The following SNX6 variants were observed in gnomAD, a reference collection of about 807,000 sequenced individuals.
SNX6 encodes the protein sorting nexin 6, also known as sorting nexin-6.
A neutral mutation model predicts 63.0 loss-of-function variants in SNX6; 34 were observed. The ratio of observed to expected loss-of-function variants is 0.54; its 90% confidence interval spans 0.41 to 0.72. SNX6 has a LOEUF of 0.72. Ranked by LOEUF, SNX6 falls within the 30% of genes least tolerant of loss-of-function variation. The pLI, the probability that SNX6 is intolerant of heterozygous loss-of-function variation, is 0.00. For missense variants in SNX6, 398 were observed against 471.4 expected, an observed-to-expected ratio of 0.84 and a Z score of 1.44; for synonymous variants, 170 against 164.2, an observed-to-expected ratio of 1.04 and a Z score of -0.27.
intron 6 of SNX6, among the ~76,000 whole-genome samples, chr14:34,599,525 T>C (rs2138334555): frequency 6.6e-6 from 1 of 151,914 alleles, no homozygotes; most frequent in African/African-American, 2.4e-5. Flanking sequence ...GAGAATCTTT[T>C]GAACCCAGGA....
At chr14:34,572,949 TGGGATTACA>T (rs1881514913) in intron 11 of SNX6, among the ~76,000 whole-genome samples, 1 of 152,086 alleles carries the variant, frequency 6.6e-6, no homozygotes, top group Non-Finnish European at 1.5e-5. Context: ...CCCAAAGTGC[TGGGATTACA>T]GGTGTGAGCC....
chr14:34,596,967 C>T (rs936710983), intron 7 of SNX6, among the ~76,000 whole-genome samples: 3 of 152,218 alleles, frequency 2.0e-5, no homozygotes, highest in African/African-American at 4.8e-5. Context: ...CCACCTTGCC[C>T]GGCCTCAACT....
At chr14:34,597,297 T>C (rs1204231917) in intron 7 of SNX6, among the ~76,000 whole-genome samples, 1 of 152,200 alleles carries the variant, frequency 6.6e-6, no homozygotes, top group African/African-American at 2.4e-5. Context: ...ACCTGGAACC[T>C]GGTCTGATGT....
At chr14:34,606,107 G>A (rs1366075827) in intron 4 of SNX6, among the ~76,000 whole-genome samples, 1 of 151,698 alleles carries the variant, frequency 6.6e-6, no homozygotes, top group Non-Finnish European at 1.5e-5. Flanking sequence ...CTGGGAGTCG[G>A]AGGTTGCAGT....
chr14:34,608,291 C>T, intron 3 of SNX6, 151 bp from the exon 4 acceptor site: 2 of 498,038 alleles, frequency 4.0e-6, no homozygotes, highest in South Asian at 4.9e-5. Flanking sequence ...AATCCTCCCA[C>T]CTCAGCCTCC....
chr14:34,602,799 A>G (rs1177587629), intron 6 of SNX6, among the ~76,000 whole-genome samples: 1 of 150,020 alleles, frequency 6.7e-6, no homozygotes. Flanking sequence ...ACACAGTGAA[A>G]CCCCGTCTCT....
At chr14:34,627,027 T>C in intron 2 of SNX6, among the ~76,000 whole-genome samples, 1 of 152,188 alleles carries the variant, frequency 6.6e-6, no homozygotes, top group Non-Finnish European at 1.5e-5. Context: ...TTTAAAAATT[T>C]TTTTAGAGAC....
intron 6 of SNX6, among the ~76,000 whole-genome samples, chr14:34,602,626 A>G (rs1186268390): frequency 6.6e-6 from 1 of 151,544 alleles, no homozygotes; most frequent in Non-Finnish European, 1.5e-5. Flanking sequence ...CAAACATTCT[A>G]AAAAAAGACC....
At chr14:34,622,362 C>G (rs1056264285) in intron 2 of SNX6, among the ~76,000 whole-genome samples, 1 of 151,186 alleles carries the variant, frequency 6.6e-6, no homozygotes, top group Non-Finnish European at 1.5e-5. Context: ...GGGTGGATCA[C>G]GAGGTCAGGA....
intron 11 of SNX6, chr14:34,569,148 C>T (rs986420544): frequency 1.0e-5 from 8 of 790,184 alleles, no homozygotes; most frequent in African/African-American, 3.4e-5. Context: ...CCGGCCTGTG[C>T]ACTGCCAGCC....
intron 2 of SNX6, among the ~76,000 whole-genome samples, chr14:34,618,088 G>GAAGA (rs930542295): frequency 1.3e-5 from 2 of 152,120 alleles, no homozygotes; most frequent in Non-Finnish European, 2.9e-5. Flanking sequence ...AAAGAGGAAG[G>GAAGA]AAGAAAGAAA....
chr14:34,613,531 G>A (rs759095096), intron 2 of SNX6, among the ~76,000 whole-genome samples: 5 of 152,240 alleles, frequency 3.3e-5, no homozygotes, highest in East Asian at 3.9e-4. Context: ...GGTGGTTTAC[G>A]CCTGTAATCC....
intron 13 of SNX6, among the ~76,000 whole-genome samples, chr14:34,565,077 CTTTT>C (rs34722757): frequency 7.6e-6 from 1 of 131,266 alleles, no homozygotes; most frequent in African/African-American, 2.8e-5. Context: ...CATGTCATGA[CTTTT>C]TTTTTTTTTT....
intron 2 of SNX6, chr14:34,629,515 C>G (rs1183442879): frequency 2.0e-5 from 10 of 499,542 alleles, no homozygotes; most frequent in Non-Finnish European, 2.7e-5. Context: ...ATGTCCACAC[C>G]GGGTGAAAAT....
intron 8 of SNX6, 137 bp downstream of exon 8, chr14:34,592,908 A>G (rs1882453953): frequency 1.6e-6 from 1 of 635,338 alleles, no homozygotes; most frequent in Non-Finnish European, 2.7e-6. Flanking sequence ...GGCTCACTAT[A>G]AAAGGGCCAT....
At chr14:34,607,941 C>T in intron 4 of SNX6, 89 bp downstream of exon 4, 1 of 639,834 alleles carries the variant, frequency 1.6e-6, no homozygotes, top group Non-Finnish European at 2.6e-6. Context: ...AAAAACAGTT[C>T]ACAAAAAATG....
chr14:34,578,731 G>A (rs964128250), intron 10 of SNX6, among the ~76,000 whole-genome samples: 4 of 150,202 alleles, frequency 2.7e-5, no homozygotes, highest in Admixed American at 6.7e-5. Context: ...ACGAGGTCAA[G>A]AGATCAAGAC....
intron 10 of SNX6, among the ~76,000 whole-genome samples, chr14:34,578,962 A>AAAAAAAAAAAAAAAAAAAAAAAAAAAC (rs1566469853): frequency 6.8e-6 from 1 of 148,008 alleles, no homozygotes; most frequent in Non-Finnish European, 1.5e-5. Flanking sequence ...AAAAAAAAAA[A>AAAAAAAAAAAAAAAAAAAAAAAAAAAC]AAAAGGTTAA....
intron 2 of SNX6, among the ~76,000 whole-genome samples, chr14:34,621,943 T>C (rs942178514): frequency 2.0e-5 from 3 of 149,076 alleles, no homozygotes; most frequent in Non-Finnish European, 3.0e-5. Context: ...CACCTGGGCA[T>C]GTCTTTCCTT....
Sources: allele counts gnomAD v4.1 joint callset (sites outside exome capture counted in the v4.1 genomes callset), GRCh38; gene constraint gnomAD v4.1.1; transcripts MANE v1.5; gene names NCBI Gene and HGNC (gene_info 2026-07-23, HGNC 2026-07-21).